Variants in UNC5C observed in about 807,000 individuals in gnomAD.
UNC5C encodes unc-5 netrin receptor C, also known as netrin receptor UNC5C.
In UNC5C, 47 loss-of-function variants were observed where a neutral mutation model predicts 99.8. The ratio of observed to expected loss-of-function variants is 0.47; its 90% CI spans 0.37 to 0.60. The LOEUF is 0.60. Among genes scored for constraint, UNC5C ranks in the 20% least tolerant of loss-of-function variants. The probability of loss-of-function intolerance (pLI) is 0.00; values close to 1 mark genes in which losing one functional copy is unlikely to be tolerated. For synonymous variants in UNC5C, 487 were observed against 452.2 expected (o/e 1.08, Z -0.98); for missense variants, 1,062 against 1,165.9 (o/e 0.91, Z 1.30).
chr4:95,242,785 T>C (rs1739375157), intron 6 of UNC5C, among the ~76,000 whole-genome samples, 192 bp from the exon 7 acceptor site: 1 of 152,084 alleles, frequency 6.6e-6, no homozygotes, highest in African/African-American at 2.4e-5. Context: ...TCCTATAGAG[T>C]GTGTGAGTGC....
intron 3 of UNC5C, among the ~76,000 whole-genome samples, chr4:95,288,048 C>G (rs1351042692): frequency 7.7e-6 from 1 of 130,526 alleles, no homozygotes; most frequent in African/African-American, 2.8e-5. Flanking sequence ...ATAGTCCAAC[C>G]CCCTCACTTT....
intron 2 of UNC5C, among the ~76,000 whole-genome samples, chr4:95,326,239 T>C (rs756823002): frequency 2.0e-5 from 3 of 149,182 alleles, no homozygotes; most frequent in Non-Finnish European, 4.5e-5. Context: ...GTTGACCTTA[T>C]TGATATTTTC....
chr4:95,197,885 G>C (rs1737493704), intron 12 of UNC5C, among the ~76,000 whole-genome samples: 1 of 151,802 alleles, frequency 6.6e-6, no homozygotes, highest in Non-Finnish European at 1.5e-5. Flanking sequence ...AATGACGAGA[G>C]AGTTCAGTGT....
chr4:95,184,659 G>T (rs144416362), intron 13 of UNC5C, among the ~76,000 whole-genome samples: 4 of 152,218 alleles, frequency 2.6e-5, no homozygotes, highest in African/African-American at 4.8e-5. Context: ...CAATGTAAGG[G>T]TACTGGCCTA....
intron 1 of UNC5C, among the ~76,000 whole-genome samples, chr4:95,476,532 GAGA>G (rs1338008933): frequency 6.6e-6 from 1 of 151,848 alleles, no homozygotes; most frequent in African/African-American, 2.4e-5. Flanking sequence ...GTTTTTTTCG[GAGA>G]AGACTTCCTT....
At chr4:95,446,262 C>T (rs1211467717) in intron 1 of UNC5C, among the ~76,000 whole-genome samples, 1 of 151,650 alleles carries the variant, frequency 6.6e-6, no homozygotes, top group Non-Finnish European at 1.5e-5. Context: ...GAGGGAAAGG[C>T]TGTAGGAAAA....
chr4:95,209,568 C>G (rs1560733904), intron 10 of UNC5C, among the ~76,000 whole-genome samples: 1 of 152,190 alleles, frequency 6.6e-6, no homozygotes, highest in Non-Finnish European at 1.5e-5. Flanking sequence ...AATACCCTTT[C>G]CTCCATTATA....
intron 10 of UNC5C, among the ~76,000 whole-genome samples, chr4:95,213,389 C>T (rs1166716617): frequency 2.6e-5 from 4 of 152,220 alleles, no homozygotes; most frequent in African/African-American, 9.6e-5. Context: ...ACAAAGGCGT[C>T]GCCGCCTTTC....
intron 1 of UNC5C, among the ~76,000 whole-genome samples, chr4:95,507,901 G>T (rs1051659094): frequency 6.6e-6 from 1 of 151,888 alleles, no homozygotes; most frequent in South Asian, 2.1e-4. Context: ...CACTTCCCTG[G>T]ATCAATGTGA....
chr4:95,500,035 G>T (rs1363901970), intron 1 of UNC5C, among the ~76,000 whole-genome samples: 2 of 152,008 alleles, frequency 1.3e-5, no homozygotes, highest in Non-Finnish European at 2.9e-5. Context: ...AATAGTAGAT[G>T]AACTAAAGGT....
At chr4:95,544,119 T>G (rs1722994923) in intron 1 of UNC5C, among the ~76,000 whole-genome samples, 1 of 152,212 alleles carries the variant, frequency 6.6e-6, no homozygotes, top group Non-Finnish European at 1.5e-5. Flanking sequence ...GCTCTAATTG[T>G]AACCTGTAGT....
intron 1 of UNC5C, among the ~76,000 whole-genome samples, chr4:95,422,774 G>A (rs1746358844): frequency 1.3e-5 from 2 of 152,014 alleles, no homozygotes; most frequent in South Asian, 4.1e-4. Flanking sequence ...AATTAGTTTG[G>A]CAAATATGGC....
At chr4:95,219,367 A>T in intron 8 of UNC5C, 54 bp from the exon 9 acceptor site, 1 of 1,541,216 alleles carries the variant, frequency 6.5e-7, no homozygotes, top group East Asian at 2.3e-5. Context: ...AGGCCAACCT[A>T]CATTAGTCAG....
At chr4:95,314,390 C>T (rs954787259) in intron 2 of UNC5C, among the ~76,000 whole-genome samples, 1 of 152,202 alleles carries the variant, frequency 6.6e-6, no homozygotes, top group Non-Finnish European at 1.5e-5. Flanking sequence ...CAGAACCCCA[C>T]CATCCTGAAG....
In UNC5C at chr4:95,183,703, G is replaced by GAAAGAAAGA. The variant is rs1736710778; in HGVS notation, c.2287-643_2287-642insTCTTTCTTT. Among the ~76,000 whole-genome samples, 4 of 26,944 alleles carry GAAAGAAAGA rather than the reference G, an allele frequency of 1.5e-4. No homozygotes were observed. The South Asian group carries it at 5.3e-3, about 36-fold the overall frequency. The allele number at this position is 26,944 out of a possible 152,430, so 17.7% of individuals were successfully genotyped here. A position where few individuals can be genotyped will look rare whatever the true frequency, so the allele number is the denominator to read the frequency against. On this transcript the variant is annotated intron_variant, in intron 13 of 15. Transcript: ENST00000453304. ...ATCCTAGAATCTGTTTTCAATAAAG[G>GAAAGAAAGA]AAAGAAAAGGTTGCCACATAAAAAA... is the stretch of plus-strand genomic sequence containing the variant.
At chr4:95,532,635 T>C (rs1459982902) in intron 1 of UNC5C, among the ~76,000 whole-genome samples, 3 of 152,090 alleles carry the variant, frequency 2.0e-5, no homozygotes, top group Non-Finnish European at 4.4e-5. Flanking sequence ...GGTGAAGATC[T>C]AAACTAGGGA....
At chr4:95,427,727 AT>A (rs1746523770) in intron 1 of UNC5C, among the ~76,000 whole-genome samples, 1 of 152,188 alleles carries the variant, frequency 6.6e-6, no homozygotes, top group South Asian at 2.1e-4. Context: ...AAACCAAAAA[AT>A]TCACGTGACT....
chr4:95,467,896 G>C (rs1747837381), intron 1 of UNC5C, among the ~76,000 whole-genome samples: 1 of 152,052 alleles, frequency 6.6e-6, no homozygotes, highest in African/African-American at 2.4e-5. Flanking sequence ...ATATTATTAA[G>C]AGCATCATAA....
At chr4:95,224,482 C>T (rs899549202) in intron 7 of UNC5C, among the ~76,000 whole-genome samples, 17 of 152,148 alleles carry the variant, frequency 1.1e-4, no homozygotes, top group Non-Finnish European at 2.4e-4. Flanking sequence ...AATATAACTT[C>T]GTAACTTCGA....
Sources: allele counts gnomAD v4.1 joint callset (sites outside exome capture counted in the v4.1 genomes callset), GRCh38; gene constraint gnomAD v4.1.1; transcripts MANE v1.5; gene names NCBI Gene and HGNC (gene_info 2026-07-23, HGNC 2026-07-21).